Variants in CDC40 observed in about 807,000 individuals in gnomAD.
CDC40 encodes the protein pre-mRNA-processing factor 17.
CDC40 carries 27 observed loss-of-function variants against 80.6 expected under a neutral mutation model. That is an observed-to-expected ratio of 0.33 (90% CI 0.25 to 0.46). The LOEUF (loss-of-function observed/expected upper bound fraction) is 0.46, where lower values mean the gene tolerates loss of function less well. Ranked by LOEUF, CDC40 falls within the 20% of genes least tolerant of loss-of-function variation. The pLI, the probability that CDC40 is intolerant of heterozygous loss-of-function variation, is 1.00. For missense variants in CDC40, 486 were observed against 694.1 expected (o/e 0.70, Z 3.37); for synonymous variants, 221 against 232.6 (o/e 0.95, Z 0.45).
chr6:110,202,603 T>C (rs1777507247), intron 3 of CDC40, among the ~76,000 whole-genome samples: 1 of 152,226 alleles, frequency 6.6e-6, no homozygotes, highest in Non-Finnish European at 1.5e-5. Flanking sequence ...ACTTTTCTTC[T>C]TAAATTACCT....
intron 14 of CDC40, 152 bp from the exon 15 acceptor site, chr6:110,229,802 C>T: frequency 5.6e-6 from 3 of 540,190 alleles, no homozygotes; most frequent in Non-Finnish European, 9.8e-6. Context: ...TTATAGACTG[C>T]TTCATGTTCT....
At chr6:110,219,063 C>T (rs1010252693) in intron 10 of CDC40, among the ~76,000 whole-genome samples, 4 of 152,126 alleles carry the variant, frequency 2.6e-5, no homozygotes, top group Non-Finnish European at 5.9e-5. Context: ...AGCATAATAT[C>T]TGAGATTCCC....
Position 110,231,536 on chromosome 6 carries a change from G to A in CDC40, c.*1405G>A, listed in dbSNP as rs1259047459. On this transcript the variant is annotated 3_prime_UTR_variant, in exon 15 of 15. Transcript: ENST00000307731. Reference sequence around the variant, plus strand: ...TCAAGATAACCTCTTGAATGTAATAGCTCATAGCACTTTAATTTGGCAAGC... The same window carrying A: ...TCAAGATAACCTCTTGAATGTAATAACTCATAGCACTTTAATTTGGCAAGC... 6.6e-6 allele frequency: 1 copy of A among 152,202 alleles called. No individual in the cohort carries two copies. The highest frequency in any genetic ancestry group is 1.5e-5 in the Non-Finnish European group (1 of 68,042). The allele number at this position is 152,202 out of a possible 1,614,324, so 9.4% of individuals were successfully genotyped here. A position where few individuals can be genotyped will look rare whatever the true frequency, so the allele number is the denominator to read the frequency against.
At chr6:110,181,354 T>C (rs1402611811) in intron 1 of CDC40, among the ~76,000 whole-genome samples, 1 of 152,168 alleles carries the variant, frequency 6.6e-6, no homozygotes, top group African/African-American at 2.4e-5. Flanking sequence ...CCTAGTGGGT[T>C]TGAAGAACTG....
At chr6:110,209,407 C>G (rs1257987606) in intron 5 of CDC40, 184 bp downstream of exon 5, 1 of 484,916 alleles carries the variant, frequency 2.1e-6, no homozygotes, top group African/African-American at 1.9e-5. Context: ...TTTTATTTAC[C>G]TTTTCTGCTG....
At chr6:110,221,935 G>C (rs74700429) in intron 12 of CDC40, among the ~76,000 whole-genome samples, 18,412 of 126,418 alleles carry the variant, frequency 0.15, 1,147 homozygotes, top group South Asian at 0.22. Flanking sequence ...ATACTGTTTT[G>C]TTACAAATGA....
intron 11 of CDC40, 38 bp downstream of exon 11, chr6:110,219,517 T>C (rs1180767240): frequency 2.4e-6 from 3 of 1,238,780 alleles, no homozygotes; most frequent in Non-Finnish European, 3.6e-6. Flanking sequence ...ACTCCTAAGC[T>C]TTATGTTGTA....
chr6:110,184,770 T>C (rs1216773050), intron 1 of CDC40, among the ~76,000 whole-genome samples: 1 of 152,152 alleles, frequency 6.6e-6, no homozygotes, highest in Non-Finnish European at 1.5e-5. Flanking sequence ...GCAGAAAGCA[T>C]TACTGGAGAC....
In CDC40 at chr6:110,231,937, C is replaced by A. The variant is rs960675906; in HGVS notation, c.*1806C>A. ...CTAGCTGCTGCCATTTCTGTAACTG[C>A]CCAGAAGGGTGACAGATTTCTGAAG... On this transcript the variant is annotated 3_prime_UTR_variant, in exon 15 of 15. Coordinates refer to ENST00000307731, the MANE Select transcript of CDC40 (RefSeq NM_015891.3). 6.9e-6 allele frequency: 1 copy of A among 145,530 alleles called. No individual in the cohort carries two copies. The highest frequency in any genetic ancestry group is 1.5e-5 in the Non-Finnish European group (1 of 66,676). 9.0% of individuals were successfully genotyped at this position (145,530 alleles called of 1,614,324 possible).
intron 9 of CDC40, 102 bp downstream of exon 9, chr6:110,215,433 C>CA: frequency 1.1e-6 from 1 of 914,608 alleles, no homozygotes. Flanking sequence ...GTAAACTCTT[C>CA]ATAGATTTCA....
chr6:110,219,726 T>G lies in CDC40; in HGVS notation c.1207-10T>G, dbSNP rs781719855. The G allele has an allele frequency of 1.2e-6, 2 of 1,613,368 alleles. No individual in the cohort carries two copies. Among genetic ancestry groups the G allele is most frequent in the Non-Finnish European group, 1.7e-6 (2 of 1,179,780 alleles). On this transcript the variant is annotated splice_polypyrimidine_tract_variant and intron_variant, in intron 11 of 14. Transcript: ENST00000307731. ...TTCTGTCTTTACCTTTTTTCTTGCCTGATACACAGTGGGACATTCGAAGTG... is the reference window on the plus strand; with the variant it reads ...TTCTGTCTTTACCTTTTTTCTTGCCGGATACACAGTGGGACATTCGAAGTG...
At chr6:110,208,825 A>G (rs1422868820) in intron 4 of CDC40, among the ~76,000 whole-genome samples, 3 of 152,180 alleles carry the variant, frequency 2.0e-5, no homozygotes, top group African/African-American at 4.8e-5. Flanking sequence ...TTCTTTAAGT[A>G]TACAGTATTA....
rs139350288 is a variant in CDC40, at chr6:110,199,913, G to A, written c.277-1645G>A. Among the ~76,000 whole-genome samples the A allele has an allele frequency of 3.7e-4, 57 of 152,212 alleles. No homozygotes were observed. The East Asian group carries it at 0.011, about 29-fold the overall frequency. ...CTGACCGTAGCGGGTAGAGAATCTA[G>A]GAAACTTTTAAATCATTTTGTTATC... On this transcript the variant is annotated intron_variant, in intron 2 of 14. Transcript: ENST00000307731.
At chr6:110,206,177 G>A (rs1461221275) in intron 3 of CDC40, among the ~76,000 whole-genome samples, 4 of 151,772 alleles carry the variant, frequency 2.6e-5, no homozygotes, top group African/African-American at 7.3e-5. Context: ...TCGCTCTGTC[G>A]CCCAGGCTGG....
chr6:110,198,563 TGTTGA>T lies in CDC40; in HGVS notation c.277-2986_277-2982del, dbSNP rs528628017. On this transcript the variant is annotated intron_variant, in intron 2 of 14. Coordinates refer to ENST00000307731, the MANE Select transcript of CDC40 (RefSeq NM_015891.3). ...TTAATTGAGTTATTTATTTTCTTAC[TGTTGA>T]GTTGAGTTCCTTGTGTATTTTGGAT... is the stretch of plus-strand genomic sequence containing the variant. 1.6e-4 allele frequency among the ~76,000 whole-genome samples: 24 copies of T among 152,298 alleles called. No homozygotes were observed. In the South Asian group the frequency reaches 3.5e-3, roughly 22 times the overall value.
chr6:110,207,812 G>A (rs1200724780), intron 4 of CDC40, among the ~76,000 whole-genome samples: 1 of 152,130 alleles, frequency 6.6e-6, no homozygotes, highest in African/African-American at 2.4e-5. Flanking sequence ...GGAAAATAAT[G>A]ATACATATCT....
intron 1 of CDC40, among the ~76,000 whole-genome samples, chr6:110,183,898 T>C (rs1342103203): frequency 6.6e-6 from 1 of 152,210 alleles, no homozygotes; most frequent in Non-Finnish European, 1.5e-5. Context: ...TAGAAGACCT[T>C]TACATATTCT....
At chr6:110,222,941 A>G (rs774899383) in intron 12 of CDC40, among the ~76,000 whole-genome samples, 1 of 152,242 alleles carries the variant, frequency 6.6e-6, no homozygotes, top group Admixed American at 6.5e-5. Context: ...TTTAGTGTGC[A>G]AAGCAATCTT....
intron 1 of CDC40, among the ~76,000 whole-genome samples, chr6:110,189,537 A>G (rs989095094): frequency 9.2e-5 from 14 of 152,200 alleles, no homozygotes; most frequent in Non-Finnish European, 8.8e-5. Context: ...TCTGTCATCT[A>G]TCACCCATTC....
Sources: gnomAD v4.1 joint callset for allele counts (sites outside exome capture counted in the v4.1 genomes callset) on GRCh38, gnomAD v4.1.1 for gene constraint, MANE v1.5 for transcripts, NCBI Gene and HGNC (gene_info 2026-07-23, HGNC 2026-07-21) for gene names.